LRMDA: variants seen among roughly 807,000 people sequenced by gnomAD.
LRMDA encodes the protein leucine rich melanocyte differentiation associated, also known as leucine-rich melanocyte differentiation-associated protein.
A neutral mutation model predicts 29.8 loss-of-function variants in LRMDA; 18 were observed. The observed-to-expected ratio is 0.60, with a 90% CI of 0.42 to 0.90. The LOEUF (loss-of-function observed/expected upper bound fraction) is 0.90, where lower values mean the gene tolerates loss of function less well. Among genes scored for constraint, LRMDA ranks in the 40% least tolerant of loss-of-function variants. The pLI, the probability that LRMDA is intolerant of heterozygous loss-of-function variation, is 0.00. For synonymous variants in LRMDA, 125 were observed against 109.4 expected (o/e 1.14, Z -0.89); for missense variants, 273 against 273.9 (o/e 1.00, Z 0.02).
chr10:75,496,483 C>A (rs1845045499), intron 2 of LRMDA, among the ~76,000 whole-genome samples: 2 of 152,154 alleles, frequency 1.3e-5, no homozygotes, highest in African/African-American at 4.8e-5. Context: ...GTTTTATGTT[C>A]AAAAACTTGA....
intron 5 of LRMDA, among the ~76,000 whole-genome samples, chr10:76,298,854 A>G (rs2132357506): frequency 6.6e-6 from 1 of 152,240 alleles, no homozygotes; most frequent in Admixed American, 6.5e-5. Context: ...ATGTGGGTCT[A>G]ATTGTTTCTG....
chr10:76,415,308 A>G (rs1364610137), intron 6 of LRMDA, among the ~76,000 whole-genome samples: 1 of 152,192 alleles, frequency 6.6e-6, no homozygotes, highest in Non-Finnish European at 1.5e-5. Flanking sequence ...CTTGTTTAAG[A>G]CCTGCTACAA....
chr10:75,508,151 G>A (rs1490500248), intron 2 of LRMDA, among the ~76,000 whole-genome samples: 1 of 152,198 alleles, frequency 6.6e-6, no homozygotes, highest in Admixed American at 6.5e-5. Context: ...ATGTTAATAT[G>A]TTTGCTCAGT....
intron 5 of LRMDA, among the ~76,000 whole-genome samples, chr10:76,247,842 G>A (rs1236060009): frequency 6.6e-6 from 1 of 152,162 alleles, no homozygotes; most frequent in African/African-American, 2.4e-5. Context: ...TAAAGAGATT[G>A]GAGTGCCTTC....
At chr10:75,608,171 A>C (rs539514808) in intron 2 of LRMDA, among the ~76,000 whole-genome samples, 34 of 144,588 alleles carry the variant, frequency 2.4e-4, no homozygotes, top group Non-Finnish European at 4.5e-4. Flanking sequence ...CCTTAAAAAA[A>C]GAAGGGTGTC....
chr10:76,132,642 G>C (rs889199239), intron 5 of LRMDA, among the ~76,000 whole-genome samples: 4 of 152,178 alleles, frequency 2.6e-5, no homozygotes, highest in Non-Finnish European at 5.9e-5. Context: ...GGAAAGTTTT[G>C]TGGGAGCGTG....
At chr10:76,149,322 G>A (rs529018249) in intron 5 of LRMDA, among the ~76,000 whole-genome samples, 2 of 152,334 alleles carry the variant, frequency 1.3e-5, no homozygotes, top group African/African-American at 4.8e-5. Context: ...CAGTGCAGTA[G>A]AAAAAGCCTT....
rs147702499 is a variant in LRMDA, at chr10:76,161,474, G to A, written c.516+102691G>A. ...TTTCTTCTTCACGTCAGAAATGTCTGTGCTGTCATCAGTTTGGACAGTTCT... is the reference window on the plus strand; with the variant it reads ...TTTCTTCTTCACGTCAGAAATGTCTATGCTGTCATCAGTTTGGACAGTTCT... On this transcript the variant is annotated intron_variant, in intron 5 of 6. Transcript: ENST00000611255. Among the ~76,000 whole-genome samples the A allele has an allele frequency of 1.1e-3, 174 of 152,320 alleles. 1 individual carries two copies. The highest frequency in any genetic ancestry group is 4.0e-3 in the African/African-American group (168 of 41,580).
chr10:76,018,879 C>G (rs1259707152), intron 2 of LRMDA, among the ~76,000 whole-genome samples: 1 of 152,070 alleles, frequency 6.6e-6, no homozygotes, highest in Non-Finnish European at 1.5e-5. Flanking sequence ...CCTGGAGACT[C>G]TTAAGACATA....
chr10:76,328,705 C>T (rs986878759), intron 6 of LRMDA, among the ~76,000 whole-genome samples: 3 of 152,228 alleles, frequency 2.0e-5, no homozygotes, highest in African/African-American at 7.2e-5. Flanking sequence ...CTAGGAGCTA[C>T]AGCATCCCAC....
At chr10:76,020,856 G>A (rs1847963600) in intron 2 of LRMDA, among the ~76,000 whole-genome samples, 1 of 152,252 alleles carries the variant, frequency 6.6e-6, no homozygotes, top group South Asian at 2.1e-4. Flanking sequence ...TGTCAACCTT[G>A]TGTTTTTCCA....
intron 5 of LRMDA, among the ~76,000 whole-genome samples, chr10:76,243,987 T>A (rs1241351143): frequency 6.6e-6 from 1 of 152,090 alleles, no homozygotes; most frequent in Admixed American, 6.5e-5. Flanking sequence ...GAGGAGAGAT[T>A]AATGGAGAAG....
intron 5 of LRMDA, among the ~76,000 whole-genome samples, chr10:76,277,054 T>C (rs1840144338): frequency 6.6e-6 from 1 of 152,188 alleles, no homozygotes; most frequent in Admixed American, 6.5e-5. Context: ...TAGTTTCATA[T>C]ACAGAATTAG....
In LRMDA at chr10:76,558,594, A is replaced by G. The variant is rs540324660; in HGVS notation, c.*1306A>G. On this transcript the variant is annotated 3_prime_UTR_variant, in exon 7 of 7. Coordinates refer to ENST00000611255, the MANE Select transcript of LRMDA (RefSeq NM_001305581.2). ...TTTTTCTGCTTCTTCCATTTAGACCAAGTGTTCATTGTCCTCCCAGTATTA... is the reference window on the plus strand; with the variant it reads ...TTTTTCTGCTTCTTCCATTTAGACCGAGTGTTCATTGTCCTCCCAGTATTA... The G allele has an allele frequency of 2.6e-5, 4 of 152,322 alleles. No individual in the cohort carries two copies. Among genetic ancestry groups the G allele is most frequent in the African/African-American group, 4.8e-5 (2 of 41,578 alleles). 9.4% of individuals were successfully genotyped at this position (152,322 alleles called of 1,614,324 possible).
At chr10:75,465,989 A>C (rs1394456690) in intron 2 of LRMDA, among the ~76,000 whole-genome samples, 2 of 152,226 alleles carry the variant, frequency 1.3e-5, no homozygotes, top group Non-Finnish European at 2.9e-5. Context: ...AAGGCACTAA[A>C]AGATTAGCCA....
chr10:75,783,134 T>C, intron 2 of LRMDA: 1 of 1,271,872 alleles, frequency 7.9e-7, no homozygotes, highest in East Asian at 2.4e-5. Flanking sequence ...AGCGAGATGA[T>C]TGATCTGCAT....
intron 5 of LRMDA, among the ~76,000 whole-genome samples, chr10:76,211,253 G>A (rs1851628539): frequency 6.6e-6 from 1 of 152,204 alleles, no homozygotes; most frequent in South Asian, 2.1e-4. Context: ...TTCCTGGACT[G>A]CACTTGTCAT....
intron 2 of LRMDA, among the ~76,000 whole-genome samples, chr10:75,677,512 A>ATAC (rs1199846956): frequency 6.6e-6 from 1 of 152,180 alleles, no homozygotes; most frequent in Admixed American, 6.5e-5. Flanking sequence ...TCTACAATGC[A>ATAC]TACTACCCTT....
intron 5 of LRMDA, among the ~76,000 whole-genome samples, chr10:76,320,638 C>G (rs80032386): frequency 0.011 from 1,735 of 152,240 alleles, 34 homozygotes; most frequent in African/African-American, 0.04. Flanking sequence ...AGGCTTAAGT[C>G]TGAGAAATTC....
Sources: gnomAD v4.1 joint callset for allele counts (sites outside exome capture counted in the v4.1 genomes callset) on GRCh38, gnomAD v4.1.1 for gene constraint, MANE v1.5 for transcripts, NCBI Gene and HGNC (gene_info 2026-07-23, HGNC 2026-07-21) for gene names.